Variants in AGBL4 observed in about 807,000 individuals in gnomAD.
The protein encoded by AGBL4 is cytosolic carboxypeptidase 6.
AGBL4 carries 58 observed loss-of-function variants against 66.4 expected under a neutral mutation model. The observed-to-expected ratio is 0.87, with a 90% confidence interval of 0.71 to 1.09. The LOEUF is 1.09. Ranked by LOEUF, AGBL4 falls within the 50% of genes least tolerant of loss-of-function variation. The pLI is 0.00. For missense variants in AGBL4, 579 were observed against 631.0 expected (o/e 0.92, Z 0.88); for synonymous variants, 234 against 222.9 (o/e 1.05, Z -0.44).
intron 3 of AGBL4, among the ~76,000 whole-genome samples, chr1:49,487,635 C>T (rs1198499588): frequency 1.3e-5 from 2 of 151,962 alleles, no homozygotes; most frequent in East Asian, 3.9e-4. Context: ...CCTGAGGCCT[C>T]ACCAGCAATG....
chr1:49,658,515 C>T (rs538410950), intron 3 of AGBL4, among the ~76,000 whole-genome samples: 2,251 of 152,206 alleles, frequency 0.015, 20 homozygotes, highest in Non-Finnish European at 0.022. Flanking sequence ...TGGGTATATA[C>T]CCAAAGGAAT....
At chr1:49,633,653 T>C (rs1645613511) in intron 3 of AGBL4, among the ~76,000 whole-genome samples, 1 of 151,910 alleles carries the variant, frequency 6.6e-6, no homozygotes, top group Non-Finnish European at 1.5e-5. Flanking sequence ...AGTGAGACTG[T>C]CTCAAAAAAT....
chr1:49,212,332 C>T (rs1648738491), intron 4 of AGBL4, among the ~76,000 whole-genome samples: 1 of 152,060 alleles, frequency 6.6e-6, no homozygotes, highest in Non-Finnish European at 1.5e-5. Context: ...CCATTAGTTG[C>T]AATTCAACAA....
chr1:48,730,662 C>A (rs10888618), intron 6 of AGBL4, among the ~76,000 whole-genome samples: 4 of 151,870 alleles, frequency 2.6e-5, no homozygotes, highest in Non-Finnish European at 5.9e-5. Context: ...CAGCACTGAA[C>A]GAAAAGCTTC....
intron 6 of AGBL4, among the ~76,000 whole-genome samples, chr1:48,677,208 A>G (rs866282194): frequency 3.3e-5 from 5 of 152,312 alleles, no homozygotes; most frequent in Admixed American, 2.0e-4. Context: ...TCTCAGACAC[A>G]GTCTTTTCCT....
intron 3 of AGBL4, among the ~76,000 whole-genome samples, chr1:49,342,939 G>A (rs1017821781): frequency 6.6e-6 from 1 of 152,152 alleles, no homozygotes; most frequent in Non-Finnish European, 1.5e-5. Flanking sequence ...TTTGGTAAAG[G>A]TTAAAAGCCA....
intron 7 of AGBL4, among the ~76,000 whole-genome samples, chr1:48,662,752 A>G (rs1379813077): frequency 6.6e-6 from 1 of 152,200 alleles, no homozygotes; most frequent in Non-Finnish European, 1.5e-5. Context: ...GTTTTCAGTC[A>G]TTACCTCCCA....
chr1:49,415,484 T>G (rs906909083), intron 3 of AGBL4, among the ~76,000 whole-genome samples: 2 of 152,248 alleles, frequency 1.3e-5, no homozygotes, highest in Middle Eastern at 3.4e-3. Context: ...TCAGGGAATA[T>G]GGATTCTAAG....
intron 4 of AGBL4, among the ~76,000 whole-genome samples, chr1:49,094,451 G>C (rs948374839): frequency 3.9e-5 from 6 of 152,044 alleles, no homozygotes; most frequent in Admixed American, 3.3e-4. Flanking sequence ...TAATCATGTG[G>C]TTTTTGTCGT....
chr1:49,747,956 G>C (rs1354707384), intron 2 of AGBL4, among the ~76,000 whole-genome samples: 1 of 151,594 alleles, frequency 6.6e-6, no homozygotes, highest in Non-Finnish European at 1.5e-5. Flanking sequence ...GTGTGTGTGT[G>C]TGTGTGTGTG....
chr1:48,956,338 A>G (rs1397565867), intron 5 of AGBL4, among the ~76,000 whole-genome samples: 1 of 152,240 alleles, frequency 6.6e-6, no homozygotes, highest in Admixed American at 6.5e-5. Flanking sequence ...ATCTTAATGT[A>G]TTCAAAACTC....
chr1:49,221,250 T>C (rs777941821), intron 4 of AGBL4, among the ~76,000 whole-genome samples: 6 of 152,094 alleles, frequency 3.9e-5, no homozygotes, highest in Non-Finnish European at 8.8e-5. Flanking sequence ...CTAAGCATTA[T>C]AGCTGAGTCT....
chr1:49,392,697 A>G (rs1444912042), intron 3 of AGBL4, among the ~76,000 whole-genome samples: 1 of 87,932 alleles, frequency 1.1e-5, no homozygotes, highest in Non-Finnish European at 2.2e-5. Context: ...TCAACTGTGT[A>G]TACACACACA....
intron 4 of AGBL4, among the ~76,000 whole-genome samples, chr1:49,211,311 A>C (rs1389825922): frequency 2.0e-5 from 3 of 152,090 alleles, no homozygotes; most frequent in African/African-American, 7.2e-5. Context: ...ACCAACCCAC[A>C]ATTTCAGAAT....
At chr1:49,645,117 G>A (rs1269323648) in intron 3 of AGBL4, among the ~76,000 whole-genome samples, 2 of 151,400 alleles carry the variant, frequency 1.3e-5, no homozygotes, top group Admixed American at 6.6e-5. Flanking sequence ...TATTAAAAAC[G>A]TGTAGCACTC....
intron 3 of AGBL4, among the ~76,000 whole-genome samples, chr1:49,285,892 G>A (rs566547965): frequency 3.3e-5 from 5 of 152,050 alleles, no homozygotes; most frequent in Admixed American, 1.3e-4. Context: ...TACCAAAGCC[G>A]GGCAGAGACA....
chr1:49,947,114 T>A (rs1179821202), intron 1 of AGBL4, among the ~76,000 whole-genome samples: 1 of 151,644 alleles, frequency 6.6e-6, no homozygotes, highest in Non-Finnish European at 1.5e-5. Flanking sequence ...CTATCAGAAA[T>A]TCAAAGAAGA....
chr1:49,239,060 T>C (rs1203678508), intron 4 of AGBL4, among the ~76,000 whole-genome samples: 1 of 152,190 alleles, frequency 6.6e-6, no homozygotes. Context: ...AACCAGACTG[T>C]AATATTTTAC....
chr1:49,551,450 T>C (rs983801357), intron 3 of AGBL4, among the ~76,000 whole-genome samples: 1 of 152,212 alleles, frequency 6.6e-6, no homozygotes. Flanking sequence ...GGTCTAGGGC[T>C]GAAGGTTACT....
Sources: allele counts gnomAD v4.1 joint callset (sites outside exome capture counted in the v4.1 genomes callset), GRCh38; gene constraint gnomAD v4.1.1; transcripts MANE v1.5; gene names NCBI Gene and HGNC (gene_info 2026-07-23, HGNC 2026-07-21).